Variants in METTL15 observed in about 807,000 individuals in gnomAD.
METTL15 encodes the protein methyltransferase 15, mitochondrial 12S rRNA N4-cytidine.
Under a neutral mutation model 38.3 loss-of-function variants are expected in METTL15, and 34 were observed. That is an observed-to-expected ratio of 0.89 (90% CI 0.68 to 1.18). The LOEUF (loss-of-function observed/expected upper bound fraction) is 1.18, where lower values mean the gene tolerates loss of function less well. Among genes scored for constraint, METTL15 ranks in the 50% most tolerant of loss-of-function variants. The probability of loss-of-function intolerance (pLI) is 0.00; values close to 1 mark genes in which losing one functional copy is unlikely to be tolerated. For missense variants in METTL15, 438 were observed against 498.4 expected, an observed-to-expected ratio of 0.88 and a Z score of 1.15; for synonymous variants, 162 against 170.9, an observed-to-expected ratio of 0.95 and a Z score of 0.41.
chr11:28,321,555 C>T (rs1316049222), intron 6 of METTL15, among the ~76,000 whole-genome samples: 2 of 152,022 alleles, frequency 1.3e-5, no homozygotes, highest in Admixed American at 6.6e-5. Context: ...AATGGAAATA[C>T]TATGTTTCCT....
At chr11:28,337,310 C>T (rs1849909444), downstream of METTL15, among the ~76,000 whole-genome samples, 1 of 151,868 alleles carries the variant, frequency 6.6e-6, no homozygotes, top group African/African-American at 2.4e-5. Context: ...GATGCCCAGG[C>T]TGGAGTGCAG....
intron 5 of METTL15, among the ~76,000 whole-genome samples, chr11:28,412,896 C>T (rs1328640110): frequency 2.6e-5 from 4 of 151,810 alleles, no homozygotes; most frequent in Non-Finnish European, 2.9e-5. Flanking sequence ...TTTAACTGCT[C>T]CTGTCACATA....
intron 3 of METTL15, among the ~76,000 whole-genome samples, chr11:28,159,775 C>T (rs919392175): frequency 4.6e-5 from 7 of 152,030 alleles, no homozygotes; most frequent in African/African-American, 9.7e-5. Flanking sequence ...TCCAGTTGTA[C>T]GAAGAATAGT....
intron 4 of METTL15, among the ~76,000 whole-genome samples, chr11:28,225,001 T>C (rs535582370): frequency 6.6e-6 from 1 of 151,924 alleles, no homozygotes; most frequent in East Asian, 1.9e-4. Context: ...GACTTTAGTA[T>C]TTTTTAAGAT....
chr11:28,354,379 G>A (rs1850072071), intron 4 of METTL15, among the ~76,000 whole-genome samples: 1 of 152,150 alleles, frequency 6.6e-6, no homozygotes, highest in African/African-American at 2.4e-5. Context: ...GAAGAAGTGG[G>A]CTTTATCAAT....
chr11:28,273,118 T>C (rs976613280), intron 4 of METTL15, among the ~76,000 whole-genome samples: 1 of 152,170 alleles, frequency 6.6e-6, no homozygotes, highest in African/African-American at 2.4e-5. Context: ...ACTAGTATTA[T>C]TTGCTGTGAG....
chr11:28,288,462 C>G (rs1286227105), intron 4 of METTL15, among the ~76,000 whole-genome samples: 3 of 152,142 alleles, frequency 2.0e-5, no homozygotes, highest in Non-Finnish European at 2.9e-5. Context: ...TACATATACA[C>G]CATGCAATAC....
intron 3 of METTL15, among the ~76,000 whole-genome samples, chr11:28,133,295 G>C (rs1565114688): frequency 6.6e-6 from 1 of 152,116 alleles, no homozygotes; most frequent in Non-Finnish European, 1.5e-5. Context: ...ACAATGGCAG[G>C]GAATAGATGC....
intron 6 of METTL15, among the ~76,000 whole-genome samples, chr11:28,429,415 G>A (rs1426268742): frequency 5.2e-4 from 48 of 91,844 alleles, no homozygotes; most frequent in Non-Finnish European, 8.8e-4. Flanking sequence ...CCTCTCATGC[G>A]GAGCCGAAGC....
chr11:28,464,931 A>G (rs1851244397), intron 6 of METTL15, among the ~76,000 whole-genome samples: 1 of 152,214 alleles, frequency 6.6e-6, no homozygotes, highest in Non-Finnish European at 1.5e-5. Flanking sequence ...TCCTAACACA[A>G]AAGAGATGCC....
chr11:28,430,192 T>C (rs1820696640), intron 6 of METTL15, among the ~76,000 whole-genome samples: 1 of 151,254 alleles, frequency 6.6e-6, no homozygotes, highest in Non-Finnish European at 1.5e-5. Flanking sequence ...GAGGAGCGTC[T>C]CCACCCGGCA....
chr11:28,444,302 C>A (rs911840673), intron 6 of METTL15, among the ~76,000 whole-genome samples: 1 of 152,028 alleles, frequency 6.6e-6, no homozygotes, highest in Non-Finnish European at 1.5e-5. Flanking sequence ...AGTGTATACT[C>A]CCACTAGTAG....
At position 28,290,274 on chromosome 11, in the gene METTL15, A is replaced by C; in HGVS notation, c.476A>C (p.Gln159Pro). 6.2e-7 allele frequency: 1 copy of C among 1,613,468 alleles called. No individual in the cohort carries two copies. The highest frequency in any genetic ancestry group is 8.5e-7 in the Non-Finnish European group (1 of 1,179,652). ...GCCTTATTAATGAAAGCTGGAGTGCAGCCAGGAACTTTTGATGGAGTTCTT... is the reference window on the plus strand; with the variant it reads ...GCCTTATTAATGAAAGCTGGAGTGCCGCCAGGAACTTTTGATGGAGTTCTT... Reference protein sequence around the residue: ...AEALLMKAGVQPGTFDGVLMD... With the variant: ...AEALLMKAGVPPGTFDGVLMD... Residue 159 changes from glutamine (Q) to proline (P), a missense_variant, in exon 5 of 7, where the codon CAG becomes CCG. Physicochemically the swap from Gln to Pro is moderately conservative, Grantham distance 76. Transcript: ENST00000407364.
intron 4 of METTL15, among the ~76,000 whole-genome samples, chr11:28,232,633 A>G (rs548471129): frequency 6.6e-6 from 1 of 152,092 alleles, no homozygotes; most frequent in African/African-American, 2.4e-5. Context: ...CAGCAAGTAT[A>G]TTAAAAGGAA....
At chr11:28,447,157 ATGTTGTTC>A (rs1397577919) in intron 6 of METTL15, among the ~76,000 whole-genome samples, 3 of 152,086 alleles carry the variant, frequency 2.0e-5, no homozygotes, top group Admixed American at 6.6e-5. Flanking sequence ...AGTCTCTTTA[ATGTTGTTC>A]TCTTCCTTGA....
intron 4 of METTL15, among the ~76,000 whole-genome samples, chr11:28,245,635 T>G (rs190761657): frequency 8.7e-4 from 133 of 152,334 alleles, no homozygotes; most frequent in Middle Eastern, 6.8e-3. Context: ...ATTCTCACAT[T>G]GCTATTAATA....
chr11:28,226,687 A>G (rs1300779902), intron 4 of METTL15, among the ~76,000 whole-genome samples: 1 of 151,938 alleles, frequency 6.6e-6, no homozygotes, highest in African/African-American at 2.4e-5. Context: ...TCAAGAAGCA[A>G]TTTAGTCACA....
intron 5 of METTL15, among the ~76,000 whole-genome samples, chr11:28,388,344 C>T (rs1850463005): frequency 6.6e-6 from 1 of 151,994 alleles, no homozygotes; most frequent in African/African-American, 2.4e-5. Flanking sequence ...CCTGTTAGAA[C>T]TAATCAATGG....
chr11:28,235,681 G>T (rs909966505), intron 4 of METTL15, among the ~76,000 whole-genome samples: 21 of 151,836 alleles, frequency 1.4e-4, no homozygotes, highest in Non-Finnish European at 2.5e-4. Context: ...TGCTGAAGTT[G>T]CTTATCAGCT....
Sources: allele counts gnomAD v4.1 joint callset (sites outside exome capture counted in the v4.1 genomes callset), GRCh38; gene constraint gnomAD v4.1.1; transcripts MANE v1.5; gene names NCBI Gene and HGNC (gene_info 2026-07-23, HGNC 2026-07-21).